The following SORCS3 variants were observed in gnomAD, a reference collection of about 807,000 sequenced individuals.
SORCS3 encodes sortilin related VPS10 domain containing receptor 3, also known as VPS10 domain-containing receptor SorCS3.
Under a neutral mutation model 146.3 loss-of-function variants are expected in SORCS3, and 57 were observed. That is an observed-to-expected ratio of 0.39 (90% CI 0.31 to 0.49). The LOEUF (loss-of-function observed/expected upper bound fraction) is 0.49. Among genes scored for constraint, SORCS3 ranks in the 20% least tolerant of loss-of-function variants. The pLI, the probability that SORCS3 is intolerant of heterozygous loss-of-function variation, is 0.92. For missense variants in SORCS3, 1,341 were observed against 1,575.5 expected (o/e 0.85, Z 2.52); for synonymous variants, 653 against 618.5 (o/e 1.06, Z -0.83).
At chr10:105,154,436 G>T (rs1009644802) in intron 9 of SORCS3, among the ~76,000 whole-genome samples, 1 of 152,224 alleles carries the variant, frequency 6.6e-6, no homozygotes, top group African/African-American at 2.4e-5. Flanking sequence ...GGGGCCTGCT[G>T]TCAGTTTCCC....
In SORCS3 at chr10:104,802,173, C is replaced by T. The variant is rs141563337; in HGVS notation, c.628-40619C>T. 8.7e-4 allele frequency among the ~76,000 whole-genome samples: 133 copies of T among 152,200 alleles called. 1 individual carries two copies. Among genetic ancestry groups the T allele is most frequent in the African/African-American group, 2.6e-3 (107 of 41,530 alleles). ...TCGGTAATGACCTAGAATTTAACAA[C>T]GGTTTTGCAAAGATTCTGGCTCTCT... On this transcript the variant is annotated intron_variant, in intron 1 of 26. Coordinates refer to ENST00000369701, the MANE Select transcript of SORCS3 (RefSeq NM_014978.3).
chr10:104,864,418 G>A (rs2018438216), intron 2 of SORCS3, among the ~76,000 whole-genome samples: 2 of 152,116 alleles, frequency 1.3e-5, no homozygotes, highest in South Asian at 2.1e-4. Flanking sequence ...AATCCTCAGT[G>A]ACCTTTTTAT....
chr10:105,201,009 A>T, intron 15 of SORCS3, 111 bp from the exon 16 acceptor site: 1 of 1,167,104 alleles, frequency 8.6e-7, no homozygotes, highest in Non-Finnish European at 1.2e-6. Context: ...TGAGACTGCT[A>T]CATAAAGTAC....
chr10:104,757,266 G>A (rs368048997), intron 1 of SORCS3, among the ~76,000 whole-genome samples: 4 of 152,134 alleles, frequency 2.6e-5, no homozygotes, highest in South Asian at 4.2e-4. Context: ...TGGCTTTCTT[G>A]GCAAAGCAAA....
chr10:104,708,367 A>G (rs2016371729), intron 1 of SORCS3, among the ~76,000 whole-genome samples: 1 of 152,160 alleles, frequency 6.6e-6, no homozygotes, highest in South Asian at 2.1e-4. Flanking sequence ...CAGTCTTGCA[A>G]TTAAGCACAG....
At chr10:105,075,223 A>C (rs1332016465) in intron 5 of SORCS3, among the ~76,000 whole-genome samples, 2 of 152,194 alleles carry the variant, frequency 1.3e-5, no homozygotes, top group Non-Finnish European at 2.9e-5. Context: ...AAAGGAGAGC[A>C]CTGACTCAGT....
At chr10:105,101,409 G>A (rs1356659527) in intron 6 of SORCS3, among the ~76,000 whole-genome samples, 1 of 152,090 alleles carries the variant, frequency 6.6e-6, no homozygotes, top group Non-Finnish European at 1.5e-5. Flanking sequence ...AGGGCACTGC[G>A]GCACTTATCC....
intron 5 of SORCS3, among the ~76,000 whole-genome samples, chr10:105,083,921 C>A (rs1402488004): frequency 6.6e-6 from 1 of 152,150 alleles, no homozygotes; most frequent in African/African-American, 2.4e-5. Context: ...GGGCACAAAT[C>A]CCATTCTTTT....
At chr10:105,234,767 A>G (rs2056783696) in intron 20 of SORCS3, among the ~76,000 whole-genome samples, 1 of 151,934 alleles carries the variant, frequency 6.6e-6, no homozygotes, top group Admixed American at 6.6e-5. Flanking sequence ...CTGTTTTGGC[A>G]TGCTGTCTAC....
chr10:104,784,840 C>T (rs1724895004), intron 1 of SORCS3, among the ~76,000 whole-genome samples: 1 of 152,170 alleles, frequency 6.6e-6, no homozygotes, highest in African/African-American at 2.4e-5. Context: ...TTTTCTTTTT[C>T]TTGGGCTGAC....
At chr10:104,785,121 C>T (rs949692601) in intron 1 of SORCS3, among the ~76,000 whole-genome samples, 1 of 151,958 alleles carries the variant, frequency 6.6e-6, no homozygotes, top group African/African-American at 2.4e-5. Flanking sequence ...GCTGCAATGG[C>T]GGCTTTGTGG....
intron 1 of SORCS3, among the ~76,000 whole-genome samples, chr10:104,789,280 C>T (rs2017470672): frequency 6.6e-6 from 1 of 152,216 alleles, no homozygotes; most frequent in Non-Finnish European, 1.5e-5. Flanking sequence ...CAGCCTTGGG[C>T]ATCTGATAGG....
chr10:104,888,212 T>G (rs1349702501), intron 2 of SORCS3, among the ~76,000 whole-genome samples: 2 of 152,230 alleles, frequency 1.3e-5, no homozygotes, highest in Non-Finnish European at 2.9e-5. Context: ...TTTTAAACGA[T>G]TTTACTCTTT....
intron 14 of SORCS3, among the ~76,000 whole-genome samples, chr10:105,183,694 A>G (rs1202506164): frequency 6.6e-6 from 1 of 151,852 alleles, no homozygotes; most frequent in East Asian, 1.9e-4. Flanking sequence ...CATAACCTTC[A>G]GATTGTCGCC....
intron 1 of SORCS3, among the ~76,000 whole-genome samples, chr10:104,762,882 T>C (rs979898489): frequency 1.3e-5 from 2 of 152,174 alleles, no homozygotes; most frequent in Admixed American, 1.3e-4. Flanking sequence ...AGTATCTTTA[T>C]AGCAATGTGA....
At chr10:104,658,269 C>T (rs574239905) in intron 1 of SORCS3, among the ~76,000 whole-genome samples, 1 of 152,164 alleles carries the variant, frequency 6.6e-6, no homozygotes, top group Admixed American at 6.5e-5. Flanking sequence ...GGAGAAAGGG[C>T]TCATCCATGT....
chr10:104,841,056 G>GTGTGTA (rs1326685225), intron 1 of SORCS3, among the ~76,000 whole-genome samples: 1 of 152,156 alleles, frequency 6.6e-6, no homozygotes, highest in Non-Finnish European at 1.5e-5. Context: ...AGGTGTGTGT[G>GTGTGTA]TGTGTATGTG....
intron 1 of SORCS3, among the ~76,000 whole-genome samples, chr10:104,750,477 A>G (rs569282029): frequency 1.3e-5 from 2 of 152,308 alleles, no homozygotes; most frequent in South Asian, 2.1e-4. Flanking sequence ...TAGTGTCCCA[A>G]GTAGCCAACT....
chr10:105,156,870 A>G (rs1355467720), intron 9 of SORCS3, among the ~76,000 whole-genome samples: 1 of 152,190 alleles, frequency 6.6e-6, no homozygotes. Context: ...AGTCCTATGG[A>G]ACAAAGTACA....
Sources: allele counts gnomAD v4.1 joint callset (sites outside exome capture counted in the v4.1 genomes callset), GRCh38; gene constraint gnomAD v4.1.1; transcripts MANE v1.5; gene names NCBI Gene and HGNC (gene_info 2026-07-23, HGNC 2026-07-21).